The following TYW1 variants were observed in gnomAD, a reference collection of about 807,000 sequenced individuals.
The protein encoded by TYW1 is S-adenosyl-L-methionine-dependent tRNA 4-demethylwyosine synthase TYW1.
TYW1 carries 46 observed loss-of-function variants against 96.2 expected under a neutral mutation model. That is an observed-to-expected ratio of 0.48 (90% CI 0.38 to 0.61). The LOEUF is 0.61. TYW1 is among the 20% of genes least tolerant of loss of function. The probability of loss-of-function intolerance (pLI) is 0.00; values close to 1 mark genes in which losing one functional copy is unlikely to be tolerated. For missense variants in TYW1, 684 were observed against 909.6 expected (o/e 0.75, Z 3.19); for synonymous variants, 274 against 323.0 (o/e 0.85, Z 1.63).
At chr7:67,124,988 C>T (rs1171687410) in intron 13 of TYW1, among the ~76,000 whole-genome samples, 1 of 152,116 alleles carries the variant, frequency 6.6e-6, no homozygotes, top group South Asian at 2.1e-4. Context: ...CATGCACCAC[C>T]ATGCCCAGCT....
chr7:67,022,700 C>T (rs73381603), intron 6 of TYW1, among the ~76,000 whole-genome samples: 16,820 of 152,228 alleles, frequency 0.11, 978 homozygotes, highest in Middle Eastern at 0.15. Flanking sequence ...GCTGGGATAT[C>T]AGGGTGGAGT....
At chr7:67,021,864 G>C (rs548187778) in intron 6 of TYW1, among the ~76,000 whole-genome samples, 5 of 152,350 alleles carry the variant, frequency 3.3e-5, no homozygotes, top group African/African-American at 1.2e-4. Context: ...AAGTTATCAA[G>C]AAGAGTCTAG....
Position 67,159,795 on chromosome 7 carries a change from T to TTTTATTTTATTTA in TYW1, c.1699-23324_1699-23323insTATTTATTTATTT, listed in dbSNP as rs1554380275. The stretch of plus-strand genomic sequence containing the variant: ...AACAATATCACAAAATTTTATTTTA[T>TTTTATTTTATTTA]TTTATTTATTTATTTATTTTTTTGA... On this transcript the variant is annotated intron_variant, in intron 13 of 15. Transcript: ENST00000359626. Among the ~76,000 whole-genome samples, 534 of 149,632 alleles carry TTTTATTTTATTTA rather than the reference T, an allele frequency of 3.6e-3. 5 individuals are homozygous for TTTTATTTTATTTA. The highest frequency in any genetic ancestry group is 0.012 in the African/African-American group (489 of 40,654).
At chr7:67,054,630 A>G (rs1206993092) in intron 8 of TYW1, among the ~76,000 whole-genome samples, 8 of 152,222 alleles carry the variant, frequency 5.3e-5, no homozygotes, top group Non-Finnish European at 1.2e-4. Context: ...TCATCACAGT[A>G]TGAATATGGT....
intron 7 of TYW1, among the ~76,000 whole-genome samples, chr7:67,040,983 C>G (rs900137093): frequency 1.3e-5 from 2 of 152,102 alleles, no homozygotes; most frequent in Non-Finnish European, 2.9e-5. Context: ...ATGAAGATTT[C>G]AGACATCCAT....
intron 12 of TYW1, among the ~76,000 whole-genome samples, chr7:67,109,334 A>G (rs1312626004): frequency 6.6e-6 from 1 of 152,046 alleles, no homozygotes; most frequent in Non-Finnish European, 1.5e-5. Context: ...AGATAAGAAA[A>G]CAAAATATGT....
intron 3 of TYW1, among the ~76,000 whole-genome samples, chr7:67,002,037 CA>C (rs71526592): frequency 1.7e-3 from 223 of 130,980 alleles, no homozygotes; most frequent in African/African-American, 3.1e-3. Context: ...CTGTCTCAAA[CA>C]AAAAAAAAAA....
chr7:67,193,031 C>T (rs571762831), intron 14 of TYW1, among the ~76,000 whole-genome samples: 3 of 152,296 alleles, frequency 2.0e-5, no homozygotes, highest in African/African-American at 7.2e-5. Context: ...GTGATGTCAG[C>T]AAGCTCTTTC....
At chr7:67,168,204 A>G (rs9654853) in intron 13 of TYW1, among the ~76,000 whole-genome samples, 39,975 of 147,586 alleles carry the variant, frequency 0.27, 6,025 homozygotes, top group African/African-American at 0.39. Flanking sequence ...TTCTGCTAAT[A>G]TGGTGAATTG....
At chr7:67,155,350 G>A (rs1031720254) in intron 13 of TYW1, among the ~76,000 whole-genome samples, 4 of 152,072 alleles carry the variant, frequency 2.6e-5, no homozygotes, top group Non-Finnish European at 5.9e-5. Flanking sequence ...ACCTGGTTGT[G>A]TAAAAGTGTG....
chr7:67,122,442 G>A (rs3107887), intron 13 of TYW1, among the ~76,000 whole-genome samples: 1 of 152,180 alleles, frequency 6.6e-6, no homozygotes, highest in African/African-American at 2.4e-5. Flanking sequence ...CTTATATCAG[G>A]TTATAAAAAT....
intron 10 of TYW1, among the ~76,000 whole-genome samples, chr7:67,068,642 T>C (rs1795944911): frequency 6.6e-6 from 1 of 152,192 alleles, no homozygotes; most frequent in South Asian, 2.1e-4. Flanking sequence ...CTTTTATGAC[T>C]CTGTGTTATG....
chr7:67,097,392 G>A (rs1393363850), intron 11 of TYW1, among the ~76,000 whole-genome samples: 1 of 152,118 alleles, frequency 6.6e-6, no homozygotes, highest in East Asian at 1.9e-4. Context: ...GGTGGACCTA[G>A]GTGGCAGTAT....
chr7:67,220,049 T>A (rs1337864214), intron 15 of TYW1, among the ~76,000 whole-genome samples: 1 of 150,572 alleles, frequency 6.6e-6, no homozygotes, highest in African/African-American at 2.5e-5. Context: ...CTGTGTCCCA[T>A]ACGTTTTGAT....
At chr7:67,131,763 G>T (rs201960097) in intron 13 of TYW1, among the ~76,000 whole-genome samples, 3 of 152,212 alleles carry the variant, frequency 2.0e-5, no homozygotes, top group Non-Finnish European at 2.9e-5. Flanking sequence ...GAAGCTGACA[G>T]TGCAGCCTTC....
At chr7:67,087,792 G>A (rs745688487) in intron 11 of TYW1, among the ~76,000 whole-genome samples, 12 of 152,138 alleles carry the variant, frequency 7.9e-5, no homozygotes, top group African/African-American at 1.2e-4. Flanking sequence ...TTGAAGGTGC[G>A]GAGGGTGTAG....
At chr7:67,091,353 G>T (rs1255909947) in intron 11 of TYW1, among the ~76,000 whole-genome samples, 1 of 139,764 alleles carries the variant, frequency 7.2e-6, no homozygotes, top group Non-Finnish European at 1.5e-5. Context: ...TCATAGGTGG[G>T]AACTGAACAA....
At chr7:67,073,813 T>G (rs1796118914) in intron 10 of TYW1, among the ~76,000 whole-genome samples, 1 of 144,878 alleles carries the variant, frequency 6.9e-6, no homozygotes. Flanking sequence ...CCAGGCGCGG[T>G]TGCTCACGCC....
intron 13 of TYW1, among the ~76,000 whole-genome samples, chr7:67,160,654 C>G (rs908937891): frequency 6.7e-6 from 1 of 149,530 alleles, no homozygotes; most frequent in Non-Finnish European, 1.5e-5. Flanking sequence ...TGCAGTGATG[C>G]GATTTCGGCT....
Sources: gnomAD v4.1 joint callset for allele counts (sites outside exome capture counted in the v4.1 genomes callset) on GRCh38, gnomAD v4.1.1 for gene constraint, MANE v1.5 for transcripts, NCBI Gene and HGNC (gene_info 2026-07-23, HGNC 2026-07-21) for gene names.